ADAMTS19: variants seen among roughly 807,000 people sequenced by gnomAD.
ADAMTS19 encodes the protein A disintegrin and metalloproteinase with thrombospondin motifs 19.
In ADAMTS19, 93 loss-of-function variants were observed where a neutral mutation model predicts 153.3. That is an observed-to-expected ratio of 0.61 (90% CI 0.51 to 0.72). The LOEUF is 0.72. Ranked by LOEUF, ADAMTS19 falls within the 30% of genes least tolerant of loss-of-function variation. The pLI, the probability that ADAMTS19 is intolerant of heterozygous loss-of-function variation, is 0.00. For missense variants in ADAMTS19, 1,482 were observed against 1,552.1 expected, an observed-to-expected ratio of 0.95 and a Z score of 0.76; for synonymous variants, 600 against 556.6, an observed-to-expected ratio of 1.08 and a Z score of -1.10.
chr5:129,658,313 GAA>G (rs1554103300), intron 14 of ADAMTS19, among the ~76,000 whole-genome samples: 12 of 23,624 alleles, frequency 5.1e-4, no homozygotes, highest in Admixed American at 4.7e-3. Flanking sequence ...GAAAGAAAAA[GAA>G]AGAAAGAAAG....
intron 19 of ADAMTS19, 56 bp from the exon 20 acceptor site, chr5:129,701,332 T>A: frequency 6.3e-7 from 1 of 1,580,092 alleles, no homozygotes. Flanking sequence ...AACAGACTAA[T>A]ACAAGTAGAT....
At chr5:129,578,088 A>ATATGCATGTATATGTACG (rs1749269196) in intron 7 of ADAMTS19, among the ~76,000 whole-genome samples, 1 of 41,554 alleles carries the variant, frequency 2.4e-5, no homozygotes, top group Admixed American at 3.4e-4. Context: ...ACATATATAC[A>ATATGCATGTATATGTACG]TATACATACA....
intron 3 of ADAMTS19, among the ~76,000 whole-genome samples, chr5:129,523,915 T>C (rs897943458): frequency 3.9e-5 from 6 of 152,178 alleles, no homozygotes; most frequent in African/African-American, 1.4e-4. Context: ...TTCAGTGCTA[T>C]TCCTATCAAG....
At chr5:129,653,702 T>G (rs1208826835) in intron 13 of ADAMTS19, among the ~76,000 whole-genome samples, 5 of 152,196 alleles carry the variant, frequency 3.3e-5, no homozygotes, top group Admixed American at 3.3e-4. Flanking sequence ...ACAATCCTAG[T>G]AACAGAAATG....
At chr5:129,662,998 G>T (rs978398747) in intron 15 of ADAMTS19, among the ~76,000 whole-genome samples, 3 of 149,150 alleles carry the variant, frequency 2.0e-5, no homozygotes, top group African/African-American at 7.5e-5. Context: ...GGGTTCAAGC[G>T]GTTCTTCTGC....
intron 2 of ADAMTS19, among the ~76,000 whole-genome samples, chr5:129,479,028 T>C (rs79689498): frequency 0.025 from 3,786 of 152,166 alleles, 159 homozygotes; most frequent in African/African-American, 0.086. Flanking sequence ...AGAAACCCAC[T>C]AAGGTACGTG....
intron 3 of ADAMTS19, among the ~76,000 whole-genome samples, chr5:129,521,042 C>G (rs1033311310): frequency 6.6e-5 from 10 of 152,124 alleles, no homozygotes; most frequent in Admixed American, 2.6e-4. Context: ...ATCCAGTTTT[C>G]TCTTTTACAA....
At chr5:129,672,909 T>C (rs190486028) in intron 16 of ADAMTS19, among the ~76,000 whole-genome samples, 216 of 152,260 alleles carry the variant, frequency 1.4e-3, no homozygotes, top group Non-Finnish European at 2.5e-3. Flanking sequence ...ATTCCTCTTC[T>C]TTTTGTGTCA....
intron 7 of ADAMTS19, among the ~76,000 whole-genome samples, chr5:129,569,027 A>G (rs1313867880): frequency 6.6e-6 from 1 of 152,102 alleles, no homozygotes; most frequent in African/African-American, 2.4e-5. Context: ...GGAGTTCTTC[A>G]GAACTGATTA....
chr5:129,682,947 C>T (rs7727326), intron 17 of ADAMTS19, among the ~76,000 whole-genome samples: 3,047 of 151,886 alleles, frequency 0.02, 73 homozygotes, highest in African/African-American at 0.064. Context: ...AAACCTAGGC[C>T]CATTTCAATT....
At chr5:129,614,399 G>A (rs190809904) in intron 8 of ADAMTS19, among the ~76,000 whole-genome samples, 43 of 152,102 alleles carry the variant, frequency 2.8e-4, no homozygotes, top group African/African-American at 8.9e-4. Flanking sequence ...ATCAATAAAC[G>A]TAATCCAGCA....
chr5:129,633,702 G>A (rs1224219168), intron 10 of ADAMTS19, among the ~76,000 whole-genome samples: 2 of 152,038 alleles, frequency 1.3e-5, no homozygotes, highest in Admixed American at 1.3e-4. Context: ...TGTTTTCACA[G>A]GCAATTATAT....
intron 16 of ADAMTS19, 115 bp from the exon 17 acceptor site, chr5:129,679,649 G>A (rs1754707439): frequency 2.0e-6 from 2 of 976,734 alleles, no homozygotes; most frequent in South Asian, 3.8e-5. Context: ...ATCAGGGAAT[G>A]TTGATCCATT....
At chr5:129,720,666 C>G (rs1398441919) in intron 21 of ADAMTS19, among the ~76,000 whole-genome samples, 1 of 152,100 alleles carries the variant, frequency 6.6e-6, no homozygotes, top group Non-Finnish European at 1.5e-5. Flanking sequence ...GCGGGACAGT[C>G]CAGTGGATGC....
At chr5:129,665,881 C>CATATATATATATATATATATATATAT (rs3979171) in intron 16 of ADAMTS19, among the ~76,000 whole-genome samples, 3 of 143,684 alleles carry the variant, frequency 2.1e-5, no homozygotes, top group African/African-American at 7.5e-5. Context: ...GATTTATATT[C>CATATATATATATATATATATATATAT]ATATATATAT....
chr5:129,685,810 C>A (rs1448804538), intron 18 of ADAMTS19, among the ~76,000 whole-genome samples: 4 of 152,032 alleles, frequency 2.6e-5, no homozygotes, highest in African/African-American at 7.2e-5. Context: ...AAACAAAAAA[C>A]TAGGGATGCA....
intron 11 of ADAMTS19, among the ~76,000 whole-genome samples, chr5:129,647,556 T>C (rs1753121568): frequency 6.6e-6 from 1 of 152,172 alleles, no homozygotes; most frequent in African/African-American, 2.4e-5. Flanking sequence ...TGCGCACTGC[T>C]TTCCCAACAA....
At chr5:129,697,166 G>T (rs1319779455) in intron 19 of ADAMTS19, among the ~76,000 whole-genome samples, 1 of 152,082 alleles carries the variant, frequency 6.6e-6, no homozygotes, top group Non-Finnish European at 1.5e-5. Context: ...GCTACAAAGA[G>T]TCTATTTGGT....
At chr5:129,593,050 A>G (rs1014799556) in intron 7 of ADAMTS19, among the ~76,000 whole-genome samples, 6 of 152,042 alleles carry the variant, frequency 3.9e-5, no homozygotes, top group African/African-American at 1.4e-4. Flanking sequence ...ATAGTCATTG[A>G]TTTCCTATAA....
Sources: allele counts gnomAD v4.1 joint callset (sites outside exome capture counted in the v4.1 genomes callset), GRCh38; gene constraint gnomAD v4.1.1; transcripts MANE v1.5; gene names NCBI Gene and HGNC (gene_info 2026-07-23, HGNC 2026-07-21).